DCLK2: variants seen among roughly 807,000 people sequenced by gnomAD.
DCLK2 encodes doublecortin like kinase 2, also known as serine/threonine-protein kinase DCLK2.
Under a neutral mutation model 78.4 loss-of-function variants are expected in DCLK2, and 31 were observed. The observed-to-expected ratio is 0.40, with a 90% confidence interval of 0.30 to 0.53. The LOEUF (loss-of-function observed/expected upper bound fraction) is 0.53. Among genes scored for constraint, DCLK2 ranks in the 20% least tolerant of loss-of-function variants. The pLI, the probability that DCLK2 is intolerant of heterozygous loss-of-function variation, is 0.61. For missense variants in DCLK2, 872 were observed against 973.7 expected, an observed-to-expected ratio of 0.90 and a Z score of 1.39; for synonymous variants, 407 against 374.9, an observed-to-expected ratio of 1.09 and a Z score of -0.99.
intron 2 of DCLK2, among the ~76,000 whole-genome samples, chr4:150,124,141 T>G (rs1170285988): frequency 6.6e-6 from 1 of 152,176 alleles, no homozygotes; most frequent in African/African-American, 2.4e-5. Flanking sequence ...TTAATTGTAG[T>G]GTGATGCAGC....
chr4:150,190,235 TTAGATAGATAGA>T (rs35680371), intron 2 of DCLK2, among the ~76,000 whole-genome samples: 11,378 of 115,140 alleles, frequency 0.099, 625 homozygotes, highest in South Asian at 0.16. Context: ...AGATGGATAG[TTAGATAGATAGA>T]TAGATAGATA....
At chr4:150,202,727 G>A (rs754750227) in intron 4 of DCLK2, among the ~76,000 whole-genome samples, 3 of 152,044 alleles carry the variant, frequency 2.0e-5, no homozygotes, top group Non-Finnish European at 4.4e-5. Flanking sequence ...CCAAAAAGAT[G>A]AATGACACTT....
At chr4:150,103,117 C>T (rs982499665) in intron 2 of DCLK2, among the ~76,000 whole-genome samples, 12 of 152,058 alleles carry the variant, frequency 7.9e-5, no homozygotes, top group Non-Finnish European at 1.5e-4. Flanking sequence ...AGGAGACATC[C>T]TACGTTAAAT....
At chr4:150,226,759 C>G (rs894031799) in intron 8 of DCLK2, among the ~76,000 whole-genome samples, 8 of 152,054 alleles carry the variant, frequency 5.3e-5, no homozygotes, top group Admixed American at 4.6e-4. Context: ...TTTTGCTTAT[C>G]TAAACAACTA....
At position 150,225,319 on chromosome 4, in the gene DCLK2, C is replaced by T. The variant is rs146762765; in HGVS notation, c.1299+761C>T. Among the ~76,000 whole-genome samples, 1,515 of 152,288 alleles carry T rather than the reference C, an allele frequency of 9.9e-3. 50 individuals are homozygous for T. Among genetic ancestry groups the T allele is most frequent in the Admixed American group, 0.058 (888 of 15,296 alleles). ...CAGAAATGCTGTGAAGAATCATCTC[C>T]TCAATAAGATAAACTTTTTTCCTTC... On this transcript the variant is annotated intron_variant, in intron 8 of 15. Transcript: ENST00000296550.
At chr4:150,098,158 A>G (rs1438465348) in intron 1 of DCLK2, among the ~76,000 whole-genome samples, 1 of 152,136 alleles carries the variant, frequency 6.6e-6, no homozygotes, top group Non-Finnish European at 1.5e-5. Flanking sequence ...GGACAATCCT[A>G]TGATTGGATA....
chr4:150,132,366 C>G (rs1017413122), intron 2 of DCLK2, among the ~76,000 whole-genome samples: 2 of 152,192 alleles, frequency 1.3e-5, no homozygotes, highest in Admixed American at 1.3e-4. Context: ...GACTGTGAAT[C>G]AAAGTATGCT....
intron 2 of DCLK2, among the ~76,000 whole-genome samples, chr4:150,120,199 C>T (rs754486059): frequency 1.6e-4 from 25 of 152,032 alleles, no homozygotes; most frequent in Non-Finnish European, 3.1e-4. Flanking sequence ...ATATTTAGTC[C>T]AGCTTTCTAA....
At chr4:150,152,990 G>A (rs775272675) in intron 2 of DCLK2, among the ~76,000 whole-genome samples, 86 of 152,316 alleles carry the variant, frequency 5.6e-4, no homozygotes, top group Non-Finnish European at 8.7e-4. Context: ...CAATCTGACC[G>A]TGAGAGAATC....
chr4:150,223,482 G>A (rs1043194327), intron 7 of DCLK2, among the ~76,000 whole-genome samples: 1 of 152,164 alleles, frequency 6.6e-6, no homozygotes, highest in Non-Finnish European at 1.5e-5. Flanking sequence ...AGTGGCTCAC[G>A]CCTGTAATCC....
intron 8 of DCLK2, among the ~76,000 whole-genome samples, 172 bp downstream of exon 8, chr4:150,224,730 C>G (rs531439470): frequency 6.6e-6 from 1 of 152,288 alleles, no homozygotes; most frequent in Admixed American, 6.5e-5. Flanking sequence ...TTTTCAGAAA[C>G]TTTAATCCTA....
intron 11 of DCLK2, 29 bp from the exon 12 acceptor site, chr4:150,240,370 T>C (rs1159176545): frequency 6.2e-7 from 1 of 1,608,580 alleles, no homozygotes; most frequent in South Asian, 1.1e-5. Flanking sequence ...CCATCAGTTC[T>C]CTCCCCCTCA....
chr4:150,129,652 GGAGGTTGCAGT>G (rs1733160539), intron 2 of DCLK2, among the ~76,000 whole-genome samples: 1 of 151,846 alleles, frequency 6.6e-6, no homozygotes, highest in East Asian at 1.9e-4. Flanking sequence ...CCCAGGAGAC[GGAGGTTGCAGT>G]GAGCCAAGAT....
At chr4:150,087,629 G>T (rs986740450) in intron 1 of DCLK2, among the ~76,000 whole-genome samples, 2 of 152,208 alleles carry the variant, frequency 1.3e-5, no homozygotes, top group African/African-American at 4.8e-5. Flanking sequence ...GTAGAAATAT[G>T]ATTGGACAAA....
At chr4:150,232,269 C>T (rs1413757610) in intron 8 of DCLK2, 68 bp from the exon 9 acceptor site, 2 of 1,567,570 alleles carry the variant, frequency 1.3e-6, no homozygotes, top group African/African-American at 2.7e-5. Context: ...GTTTTGCTGT[C>T]CTCCAGGCCT....
intron 15 of DCLK2, among the ~76,000 whole-genome samples, chr4:150,252,340 G>C (rs1744235712): frequency 6.6e-6 from 1 of 152,182 alleles, no homozygotes; most frequent in African/African-American, 2.4e-5. Context: ...AGAGAGATTG[G>C]TTAGGATCAA....
Position 150,170,658 on chromosome 4 carries a change from A to C in DCLK2, c.757-22480A>C, listed in dbSNP as rs1004619595. Reference sequence around the variant, plus strand: ...AGTTCTTTATAGTTTACTTGGTCTGATATCTTCCTTTCCCCTAGGGGGAAA... The same window carrying C: ...AGTTCTTTATAGTTTACTTGGTCTGCTATCTTCCTTTCCCCTAGGGGGAAA... On this transcript the variant is annotated intron_variant, in intron 2 of 15. Transcript: ENST00000296550. Among the ~76,000 whole-genome samples, 7 of 152,214 alleles carry C rather than the reference A, an allele frequency of 4.6e-5. No homozygotes were observed. In the East Asian group the frequency reaches 9.6e-4, roughly 21 times the overall value.
intron 2 of DCLK2, among the ~76,000 whole-genome samples, chr4:150,113,637 C>T (rs1464816038): frequency 6.7e-6 from 1 of 148,496 alleles, no homozygotes; most frequent in Non-Finnish European, 1.5e-5. Flanking sequence ...TGAATCTTCT[C>T]TCTTTTATTG....
In DCLK2 at chr4:150,078,841, T is replaced by C; in HGVS notation, c.-187T>C. On this transcript the variant is annotated 5_prime_UTR_variant, in exon 1 of 16. The change abolishes the stop of an existing upstream ORF in the 5' untranslated region. Transcript: ENST00000296550. ...GGCAGCTCGGCGCTGCGGACACTTTTAGCTGAGGGCGCGGGCGGGTCGGCT... is the reference window on the plus strand; with the variant it reads ...GGCAGCTCGGCGCTGCGGACACTTTCAGCTGAGGGCGCGGGCGGGTCGGCT... 1.5e-6 allele frequency: 1 copy of C among 681,494 alleles called. No individual in the cohort carries two copies. Among genetic ancestry groups the C allele is most frequent in the Non-Finnish European group, 2.3e-6 (1 of 443,190 alleles). 42.2% of individuals were successfully genotyped at this position (681,494 alleles called of 1,614,324 possible).
Sources: allele counts gnomAD v4.1 joint callset (sites outside exome capture counted in the v4.1 genomes callset), GRCh38; gene constraint gnomAD v4.1.1; transcripts MANE v1.5; gene names NCBI Gene and HGNC (gene_info 2026-07-23, HGNC 2026-07-21).